UBE2O: variants seen among roughly 807,000 people sequenced by gnomAD.
UBE2O encodes (E3-independent) E2 ubiquitin-conjugating enzyme.
Under a neutral mutation model 125.8 loss-of-function variants are expected in UBE2O, and 15 were observed. The ratio of observed to expected loss-of-function variants is 0.12; its 90% CI spans 0.08 to 0.18. The LOEUF is 0.18. Among genes scored for constraint, UBE2O ranks in the 10% least tolerant of loss-of-function variants. The probability of loss-of-function intolerance (pLI) is 1.00; values close to 1 mark genes in which losing one functional copy is unlikely to be tolerated. For synonymous variants in UBE2O, 708 were observed against 703.2 expected, an observed-to-expected ratio of 1.01 and a Z score of -0.11; for missense variants, 1,280 against 1,723.6, an observed-to-expected ratio of 0.74 and a Z score of 4.56.
chr17:76,443,957 A>G (rs2073115228), intron 1 of UBE2O, among the ~76,000 whole-genome samples: 1 of 152,220 alleles, frequency 6.6e-6, no homozygotes. Flanking sequence ...GCGGTAGCTC[A>G]TGCCTGTAAT....
At chr17:76,418,757 GAC>G (rs2072658114) in intron 1 of UBE2O, among the ~76,000 whole-genome samples, 1 of 152,140 alleles carries the variant, frequency 6.6e-6, no homozygotes, top group African/African-American at 2.4e-5. Flanking sequence ...TTTTAGTAGA[GAC>G]AGGGTTTCAC....
Position 76,453,046 on chromosome 17 carries a change from G to T in UBE2O, c.96C>A (p.Pro32=). ...CCGAGGCGGGCGCCGGCGCCGGGAC[G>T]GGGGCTGCGGCTGGGGCCGGGACTG... The part of the protein sequence containing the change: ...PEAVPAPAAA[P]VPAPAPASDS... The change falls in exon 1 of 18, where the codon CCC becomes CCA. Residue 32 remains proline (P), a synonymous_variant. Transcript: ENST00000319380. 1 of 1,400,822 alleles carries T rather than the reference G, an allele frequency of 7.1e-7. No individual in the cohort carries two copies. Among genetic ancestry groups the T allele is most frequent in the Non-Finnish European group, 9.3e-7 (1 of 1,072,608 alleles). 86.8% of individuals were successfully genotyped at this position (1,400,822 alleles called of 1,614,324 possible).
chr17:76,411,373 G>C (rs1453897020), intron 1 of UBE2O, among the ~76,000 whole-genome samples: 1 of 152,202 alleles, frequency 6.6e-6, no homozygotes, highest in Non-Finnish European at 1.5e-5. Flanking sequence ...TAAAGGCTGG[G>C]CTGCTCCTGG....
At chr17:76,429,775 C>T (rs909478477) in intron 1 of UBE2O, among the ~76,000 whole-genome samples, 1 of 152,102 alleles carries the variant, frequency 6.6e-6, no homozygotes, top group African/African-American at 2.4e-5. Flanking sequence ...CCTCAGCACT[C>T]CAGGAGCAGG....
intron 1 of UBE2O, among the ~76,000 whole-genome samples, chr17:76,421,945 T>C (rs2072719417): frequency 6.6e-6 from 1 of 152,158 alleles, no homozygotes; most frequent in African/African-American, 2.4e-5. Flanking sequence ...CCCTCTCCAA[T>C]GGATCTGCAT....
chr17:76,390,911 C>A lies in UBE2O; in HGVS notation c.*32G>T. On this transcript the variant is annotated 3_prime_UTR_variant, in exon 18 of 18. Coordinates refer to ENST00000319380, the MANE Select transcript of UBE2O (RefSeq NM_022066.4). ...TGAGCAGGCGGCGGCTGGCCTCTCCCACGGTGATGCTCTTTCCTCTGTGCC... is the reference window on the plus strand; with the variant it reads ...TGAGCAGGCGGCGGCTGGCCTCTCCAACGGTGATGCTCTTTCCTCTGTGCC... 1 of 1,561,230 alleles carries A rather than the reference C, an allele frequency of 6.4e-7. No homozygotes were observed.
Position 76,390,374 on chromosome 17 carries a change from T to C in UBE2O, c.*569A>G, listed in dbSNP as rs73996364. The C allele has an allele frequency of 0.029, 4,463 of 153,268 alleles. 106 individuals carry two copies. Among genetic ancestry groups the C allele is most frequent in the African/African-American group, 0.067 (2,780 of 41,524 alleles). The allele number at this position is 153,268 out of a possible 1,614,324, so 9.5% of individuals were successfully genotyped here. A position where few individuals can be genotyped will look rare whatever the true frequency, so the allele number is the denominator to read the frequency against. On this transcript the variant is annotated 3_prime_UTR_variant, in exon 18 of 18. Transcript: ENST00000319380. ...GGGCTATAACGTGGTCGACAGGCCA[T>C]GTATAGCCGGGAGTCAGTGACAGCA... is the stretch of plus-strand genomic sequence containing the variant.
rs1268967314 is a variant in UBE2O, at chr17:76,448,070, AG to A, written c.417+4654del. 3.3e-5 allele frequency among the ~76,000 whole-genome samples: 5 copies of A among 152,306 alleles called. No individual in the cohort carries two copies. In the East Asian group the frequency reaches 7.7e-4, roughly 23 times the overall value. On this transcript the variant is annotated intron_variant, in intron 1 of 17. Transcript: ENST00000319380. Reference sequence around the variant, plus strand: ...TTCAGAGTAGGTGACAGCCAGGAAGAGCACCCAAGGGTTTTGGCTTCCAATC... The same window carrying A: ...TTCAGAGTAGGTGACAGCCAGGAAGACACCCAAGGGTTTTGGCTTCCAATC...
At chr17:76,413,677 C>T (rs368695410) in intron 1 of UBE2O, among the ~76,000 whole-genome samples, 4 of 152,134 alleles carry the variant, frequency 2.6e-5, no homozygotes, top group South Asian at 2.1e-4. Context: ...CGCCGACTCT[C>T]GGTCCTTTCT....
At position 76,400,557 on chromosome 17, in the gene UBE2O, A is replaced by G; in HGVS notation, c.895-7T>C. 1 of 1,597,352 alleles carries G rather than the reference A, an allele frequency of 6.3e-7. No individual in the cohort carries two copies. Among genetic ancestry groups the G allele is most frequent in the Non-Finnish European group, 8.6e-7 (1 of 1,167,816 alleles). ...TCAACTCTACAACCTGCACCTGGGG[A>G]TGGCAGGTGGGACACGCCAGTCAGG... On this transcript the variant is annotated splice_region_variant and splice_polypyrimidine_tract_variant and intron_variant, in intron 6 of 17. Transcript: ENST00000319380. This position sits in a 1 kb window ranked among gnomAD's most constrained non-coding sequence, Gnocchi z 4.3.
rs376767198 is a variant in UBE2O at position 76,396,195 on chromosome 17, G to T, written c.2742C>A (p.Gly914=). 2.0e-5 allele frequency: 32 copies of T among 1,613,916 alleles called. No homozygotes were observed. In the African/African-American group the frequency reaches 4.1e-4, roughly 21 times the overall value. The part of the protein sequence containing the change: ...SETPVLCQQC[G]GKPGVTFTSA... Reference sequence around the variant, plus strand: ...TGGTGAAGGTGACGCCAGGCTTGCCGCCACACTGCTGGCACAGCACCGGGG... The same window carrying T: ...TGGTGAAGGTGACGCCAGGCTTGCCTCCACACTGCTGGCACAGCACCGGGG... Residue 914 remains glycine, a synonymous_variant, in exon 14 of 18, where the codon GGC becomes GGA. Transcript: ENST00000319380. This position sits in a 1 kb window ranked among gnomAD's most constrained non-coding sequence, Gnocchi z 6.7.
chr17:76,427,825 A>C (rs2143832950), intron 1 of UBE2O, among the ~76,000 whole-genome samples: 1 of 152,238 alleles, frequency 6.6e-6, no homozygotes, highest in Non-Finnish European at 1.5e-5. Flanking sequence ...CCCATGGGGG[A>C]AATTTTCTTG....
intron 1 of UBE2O, among the ~76,000 whole-genome samples, chr17:76,409,129 C>G (rs962596131): frequency 1.4e-4 from 21 of 151,710 alleles, no homozygotes; most frequent in African/African-American, 4.8e-4. Flanking sequence ...CCACCACGCC[C>G]GGCTAATTTT....
chr17:76,416,182 G>A (rs182080788), intron 1 of UBE2O, among the ~76,000 whole-genome samples: 162 of 151,496 alleles, frequency 1.1e-3, no homozygotes, highest in African/African-American at 3.4e-4. Flanking sequence ...GTGTGTGTGT[G>A]TATATGTATA....
chr17:76,426,396 G>A (rs1168154699), intron 1 of UBE2O, among the ~76,000 whole-genome samples: 1 of 152,212 alleles, frequency 6.6e-6, no homozygotes, highest in Non-Finnish European at 1.5e-5. Flanking sequence ...TCCAGTCTGA[G>A]TACCTGTCTT....
At chr17:76,449,709 A>G (rs3135933) in intron 1 of UBE2O, among the ~76,000 whole-genome samples, 86,795 of 151,976 alleles carry the variant, frequency 0.57, 26,227 homozygotes, top group South Asian at 0.68. Flanking sequence ...ACCTGAGGTC[A>G]GGAGTTCAAG....
Position 76,405,373 on chromosome 17 carries a change from G to A in UBE2O, c.478-57C>T. ...GGTGCAGCAGCCCTGGTCACCAGGG[G>A]AGACCCAGCCCAGGCAACCCCAGCG... On this transcript the variant is annotated intron_variant, in intron 2 of 17. Transcript: ENST00000319380. This position sits in a 1 kb window ranked among gnomAD's most constrained non-coding sequence, Gnocchi z 6.1. 1 of 1,545,648 alleles carries A rather than the reference G, an allele frequency of 6.5e-7. No individual in the cohort carries two copies. The highest frequency in any genetic ancestry group is 8.9e-7 in the Non-Finnish European group (1 of 1,126,750).
chr17:76,400,987 T>G lies in UBE2O; in HGVS notation c.894+24A>C. ...GGGTGTGGAGGTCAAGGACTCCATC[T>G]CCTACCCTTGGGCCCGGACCCACCT... On this transcript the variant is annotated intron_variant, in intron 6 of 17. Transcript: ENST00000319380. This position sits in a 1 kb window ranked among gnomAD's most constrained non-coding sequence, Gnocchi z 4.3. 1 of 1,612,776 alleles carries G rather than the reference T, an allele frequency of 6.2e-7. No homozygotes were observed. Among genetic ancestry groups the G allele is most frequent in the South Asian group, 1.1e-5 (1 of 91,034 alleles).
At position 76,402,044 on chromosome 17, in the gene UBE2O, G is replaced by A. The variant is rs2072335074; in HGVS notation, c.750+20C>T. The A allele has an allele frequency of 2.5e-6, 4 of 1,612,786 alleles. No homozygotes were observed. The Admixed American group carries it at 5.0e-5, about 20-fold the overall frequency. On this transcript the variant is annotated intron_variant, in intron 5 of 17. Coordinates refer to ENST00000319380, the MANE Select transcript of UBE2O (RefSeq NM_022066.4). This position sits in a 1 kb window ranked among gnomAD's most constrained non-coding sequence, Gnocchi z 5.4. ...ACTGAGCAATCAGAGAAGGGTGCTG[G>A]CCTGGATGGAGCACACTACCGAGTC...
Sources: gnomAD v4.1 joint callset for allele counts (sites outside exome capture counted in the v4.1 genomes callset) on GRCh38, gnomAD v4.1.1 for gene constraint, Gnocchi (gnomAD v3.1) non-coding constraint, MANE v1.5 for transcripts, NCBI Gene and HGNC (gene_info 2026-07-23, HGNC 2026-07-21) for gene names.